Variants in SPOCK3 observed in about 807,000 individuals in gnomAD.
SPOCK3 encodes SPARC (osteonectin), cwcv and kazal like domains proteoglycan 3.
Under a neutral mutation model 56.6 loss-of-function variants are expected in SPOCK3, and 30 were observed. The ratio of observed to expected loss-of-function variants is 0.53; its 90% CI spans 0.40 to 0.72. The LOEUF is 0.72. SPOCK3 is among the 30% of genes least tolerant of loss of function. SPOCK3 has a pLI of 0.00. For synonymous variants in SPOCK3, 196 were observed against 183.3 expected (o/e 1.07, Z -0.56); for missense variants, 527 against 530.0 (o/e 0.99, Z 0.06).
rs1420264218 is a variant in SPOCK3 at position 166,792,258 on chromosome 4, T to G, written c.621A>C (p.Ala207=). Residue 207 remains alanine, a synonymous_variant, in exon 7 of 11, where the codon GCA becomes GCC. Transcript: ENST00000357545. ...CCTTGAACCAGTCCCGCAATCTGTT[T>G]GCCACTTCCCTGAACTCCAGGTCAC... is the stretch of plus-strand genomic sequence containing the variant. ...ACSDLEFREV[A]NRLRDWFKAL... 4.3e-6 allele frequency: 7 copies of G among 1,613,900 alleles called. No individual in the cohort carries two copies. The highest frequency in any genetic ancestry group is 5.9e-6 in the Non-Finnish European group (7 of 1,179,850).
chr4:167,000,526 T>C (rs1652012978), intron 3 of SPOCK3, 63 bp from the exon 4 acceptor site: 1 of 766,378 alleles, frequency 1.3e-6, no homozygotes, highest in Admixed American at 2.3e-5. Flanking sequence ...TCAAATCCCA[T>C]CAAACACAAT....
chr4:166,948,930 C>A (rs1208563381), intron 4 of SPOCK3, among the ~76,000 whole-genome samples: 6 of 152,112 alleles, frequency 3.9e-5, no homozygotes, highest in Admixed American at 6.5e-5. Context: ...TAATATCCTG[C>A]AGAGTGTTTT....
intron 6 of SPOCK3, among the ~76,000 whole-genome samples, chr4:166,819,897 T>G (rs1257097333): frequency 1.3e-5 from 2 of 151,942 alleles, no homozygotes; most frequent in Admixed American, 1.3e-4. Flanking sequence ...ATATTTATAA[T>G]TTTTCGTAGA....
At chr4:167,046,210 C>T (rs1753697821) in intron 3 of SPOCK3, among the ~76,000 whole-genome samples, 1 of 151,828 alleles carries the variant, frequency 6.6e-6, no homozygotes, top group African/African-American at 2.4e-5. Context: ...AAATGTGTTT[C>T]CCCTCTTCCT....
chr4:166,874,464 C>T (rs982008035), intron 6 of SPOCK3, among the ~76,000 whole-genome samples: 4 of 152,074 alleles, frequency 2.6e-5, no homozygotes, highest in African/African-American at 4.8e-5. Flanking sequence ...ATTTATATAA[C>T]GTGCTAAGGA....
intron 6 of SPOCK3, among the ~76,000 whole-genome samples, chr4:166,842,447 A>G (rs1035104088): frequency 6.6e-6 from 1 of 152,120 alleles, no homozygotes; most frequent in African/African-American, 2.4e-5. Flanking sequence ...CTCTAGCTAG[A>G]CATAAAAGTT....
chr4:166,936,599 G>T (rs578227485), intron 4 of SPOCK3, among the ~76,000 whole-genome samples: 117 of 152,044 alleles, frequency 7.7e-4, no homozygotes, highest in Non-Finnish European at 1.4e-3. Flanking sequence ...TAGGAGATTT[G>T]TCTATTTTTC....
intron 10 of SPOCK3, among the ~76,000 whole-genome samples, chr4:166,736,324 C>T (rs1734214052): frequency 6.6e-6 from 1 of 152,106 alleles, no homozygotes; most frequent in African/African-American, 2.4e-5. Context: ...CCATCATTGT[C>T]ATCAATGACA....
chr4:167,102,822 C>G (rs2150328166), intron 2 of SPOCK3, among the ~76,000 whole-genome samples: 1 of 148,418 alleles, frequency 6.7e-6, no homozygotes. Context: ...AATTGCTAGG[C>G]AAGTCCTAGG....
At chr4:166,907,070 G>T (rs1205964065) in intron 5 of SPOCK3, among the ~76,000 whole-genome samples, 1 of 152,088 alleles carries the variant, frequency 6.6e-6, no homozygotes, top group African/African-American at 2.4e-5. Context: ...TTATACATAT[G>T]CACACACACA....
intron 6 of SPOCK3, among the ~76,000 whole-genome samples, chr4:166,800,193 A>C (rs1742423359): frequency 6.7e-6 from 1 of 149,914 alleles, no homozygotes; most frequent in Admixed American, 6.7e-5. Context: ...GAAAAAAAAA[A>C]AAAAAAAAAA....
chr4:166,904,123 T>A (rs185387081), intron 5 of SPOCK3, among the ~76,000 whole-genome samples: 1 of 151,802 alleles, frequency 6.6e-6, no homozygotes, highest in African/African-American at 2.4e-5. Flanking sequence ...ATAATCTATA[T>A]TTTTATTCAT....
intron 3 of SPOCK3, among the ~76,000 whole-genome samples, chr4:167,046,447 A>ATTT (rs1753730807): frequency 1.4e-5 from 1 of 73,190 alleles, no homozygotes; most frequent in Admixed American, 1.2e-4. Context: ...TCTTTCTGAT[A>ATTT]TTCTTTTTTT....
chr4:166,816,253 A>G (rs1456218117), intron 6 of SPOCK3, among the ~76,000 whole-genome samples: 2 of 152,238 alleles, frequency 1.3e-5, no homozygotes, highest in African/African-American at 4.8e-5. Context: ...TTTTAGCTTT[A>G]AAAATGAATA....
At chr4:167,160,429 G>A (rs370095116) in intron 2 of SPOCK3, among the ~76,000 whole-genome samples, 78 of 152,042 alleles carry the variant, frequency 5.1e-4, no homozygotes, top group Non-Finnish European at 9.7e-4. Context: ...ATGCTCATGG[G>A]TAGGAAGAAT....
intron 3 of SPOCK3, among the ~76,000 whole-genome samples, chr4:167,015,976 G>T (rs1750583950): frequency 6.6e-6 from 1 of 151,988 alleles, no homozygotes; most frequent in African/African-American, 2.4e-5. Flanking sequence ...TAAAGACACT[G>T]GGAATTTTTT....
intron 2 of SPOCK3, among the ~76,000 whole-genome samples, chr4:167,194,209 T>C (rs1357221836): frequency 7.3e-6 from 1 of 136,416 alleles, no homozygotes; most frequent in African/African-American, 2.9e-5. Context: ...TATGAATATT[T>C]CACTTCTGTC....
rs547174645 is a variant in SPOCK3 at position 166,960,937 on chromosome 4, A to G, written c.350+39412T>C. Among the ~76,000 whole-genome samples, 26 of 152,340 alleles carry G rather than the reference A, an allele frequency of 1.7e-4. 1 individual carries two copies. In the South Asian group the frequency reaches 5.2e-3, roughly 30 times the overall value. On this transcript the variant is annotated intron_variant, in intron 4 of 10. Coordinates refer to ENST00000357545, the MANE Select transcript of SPOCK3 (RefSeq NM_001040159.2). ...AGAATTTATCACATATTAGATAATT[A>G]GATCCAACAAAGCTTGTAGATTAGA...
intron 3 of SPOCK3, among the ~76,000 whole-genome samples, chr4:167,017,524 G>A (rs554797638): frequency 1.3e-5 from 2 of 152,216 alleles, no homozygotes; most frequent in African/African-American, 4.8e-5. Context: ...TCTGTACTCA[G>A]CAGGGCTAAG....
Sources: allele counts gnomAD v4.1 joint callset (sites outside exome capture counted in the v4.1 genomes callset), GRCh38; gene constraint gnomAD v4.1.1; transcripts MANE v1.5; gene names NCBI Gene and HGNC (gene_info 2026-07-23, HGNC 2026-07-21).